SHB: variants seen among roughly 807,000 people sequenced by gnomAD.
SHB encodes the protein SH2 domain containing adaptor protein B, also known as SH2 domain-containing adapter protein B.
A neutral mutation model predicts 52.3 loss-of-function variants in SHB; 20 were observed. The observed-to-expected ratio is 0.38, with a 90% CI of 0.27 to 0.56. The LOEUF is 0.56. Ranked by LOEUF, SHB falls within the 20% of genes least tolerant of loss-of-function variation. The pLI is 0.71. For missense variants in SHB, 825 were observed against 723.3 expected, an observed-to-expected ratio of 1.14 and a Z score of -1.61; for synonymous variants, 397 against 316.5, an observed-to-expected ratio of 1.25 and a Z score of -2.70.
chr9:37,998,440 G>A (rs1820975839), intron 2 of SHB, among the ~76,000 whole-genome samples: 1 of 152,116 alleles, frequency 6.6e-6, no homozygotes, highest in Non-Finnish European at 1.5e-5. Context: ...TGTTCTGATG[G>A]TCTCAAAATC....
chr9:37,999,371 C>A (rs1029368144), intron 2 of SHB, among the ~76,000 whole-genome samples: 2 of 152,168 alleles, frequency 1.3e-5, no homozygotes, highest in Non-Finnish European at 2.9e-5. Context: ...GCTGCAGACT[C>A]GGGGTGACCA....
At chr9:37,948,055 C>A (rs571882529) in intron 5 of SHB, among the ~76,000 whole-genome samples, 4 of 152,212 alleles carry the variant, frequency 2.6e-5, no homozygotes, top group Non-Finnish European at 5.9e-5. Context: ...GTCAGAAAGA[C>A]CTGAAAGTTT....
intron 2 of SHB, among the ~76,000 whole-genome samples, chr9:38,005,269 C>A (rs915182591): frequency 6.6e-6 from 1 of 152,204 alleles, no homozygotes; most frequent in Non-Finnish European, 1.5e-5. Flanking sequence ...TACAATTACA[C>A]GCCTATACCC....
chr9:37,974,042 G>A (rs1820623652), intron 3 of SHB, among the ~76,000 whole-genome samples: 1 of 152,174 alleles, frequency 6.6e-6, no homozygotes, highest in African/African-American at 2.4e-5. Context: ...ATCACCTGAG[G>A]TCAGGAGTTT....
At chr9:38,055,193 C>T (rs1052143087) in intron 1 of SHB, among the ~76,000 whole-genome samples, 2 of 152,242 alleles carry the variant, frequency 1.3e-5, no homozygotes, top group Non-Finnish European at 2.9e-5. Flanking sequence ...CTTAGAACCA[C>T]AGTCATGTTC....
chr9:38,017,038 A>G (rs1821222680), intron 1 of SHB, among the ~76,000 whole-genome samples: 1 of 152,238 alleles, frequency 6.6e-6, no homozygotes, highest in African/African-American at 2.4e-5. Flanking sequence ...TCCCTGGAGA[A>G]GAGTAAAAAT....
chr9:38,052,706 A>T (rs1054739910), intron 1 of SHB, among the ~76,000 whole-genome samples: 3 of 152,158 alleles, frequency 2.0e-5, no homozygotes, highest in Non-Finnish European at 4.4e-5. Flanking sequence ...TCCCTAAAGC[A>T]TGAGGCTGAC....
In SHB at chr9:37,974,737, C is replaced by A; in HGVS notation, c.939G>T (p.Glu313Asp). Residue 313 changes from glutamate (E) to aspartate (D), a missense_variant, in exon 3 of 6, where the codon GAG (glutamate) becomes GAT (aspartate). Transcript: ENST00000377707. Reference protein sequence around the residue: ...PEGQSVDSDSESTVSPRLRES... With the variant: ...PEGQSVDSDSDSTVSPRLRES... ...CCCGCAGTCGGGGGCTGACTGTGCT[C>A]TCCGAGTCTGAGTCAACACTTTGGC... 6.2e-7 allele frequency: 1 copy of A among 1,614,076 alleles called. No individual in the cohort carries two copies. Among genetic ancestry groups the A allele is most frequent in the South Asian group, 1.1e-5 (1 of 91,072 alleles).
rs377422700 is a variant in SHB at position 37,919,925 on chromosome 9, C to T, written c.1426G>A (p.Asp476Asn). ...TAGTGGATGACTTCCGGGACACTGTCGAACGGAGGGCTGTTCTGACCCAGA... is the reference window on the plus strand; with the variant it reads ...TAGTGGATGACTTCCGGGACACTGTTGAACGGAGGGCTGTTCTGACCCAGA... Reference protein sequence around the residue: ...YVLGQNSPPFDSVPEVIHYYT... With the variant: ...YVLGQNSPPFNSVPEVIHYYT... Residue 476 changes from aspartate (D) to asparagine (N), a missense_variant, in exon 6 of 6, where the codon GAC becomes AAC. Transcript: ENST00000377707. The T allele has an allele frequency of 5.6e-6, 9 of 1,613,950 alleles. No individual in the cohort carries two copies. Among genetic ancestry groups the T allele is most frequent in the East Asian group, 4.5e-5 (2 of 44,902 alleles).
At chr9:37,951,950 G>A (rs1832571918) in intron 4 of SHB, among the ~76,000 whole-genome samples, 1 of 152,222 alleles carries the variant, frequency 6.6e-6, no homozygotes, top group South Asian at 2.1e-4. Flanking sequence ...TGCTTCACCT[G>A]GAAAGAGAAT....
intron 1 of SHB, among the ~76,000 whole-genome samples, chr9:38,032,493 G>A (rs1477704365): frequency 6.6e-6 from 1 of 152,186 alleles, no homozygotes. Flanking sequence ...TGGCTCAGTT[G>A]CGCCAACCGT....
chr9:38,036,635 C>G (rs773656300), intron 1 of SHB, among the ~76,000 whole-genome samples: 1 of 152,214 alleles, frequency 6.6e-6, no homozygotes, highest in African/African-American at 2.4e-5. Flanking sequence ...CTAGCAGGAG[C>G]TCTGCTAGTG....
At chr9:38,008,412 A>C (rs1223942554) in intron 2 of SHB, among the ~76,000 whole-genome samples, 4 of 152,194 alleles carry the variant, frequency 2.6e-5, no homozygotes, top group African/African-American at 9.6e-5. Context: ...ACTAATATGA[A>C]ATCTATTTAC....
intron 1 of SHB, among the ~76,000 whole-genome samples, chr9:38,060,718 C>A (rs1247861231): frequency 2.0e-5 from 3 of 152,276 alleles, no homozygotes; most frequent in African/African-American, 7.2e-5. Context: ...TACTCAAATA[C>A]CTCCTCCTCA....
intron 1 of SHB, among the ~76,000 whole-genome samples, chr9:38,023,060 G>A (rs1821300757): frequency 6.6e-6 from 1 of 152,250 alleles, no homozygotes; most frequent in Non-Finnish European, 1.5e-5. Flanking sequence ...GACTGGCTAA[G>A]TGGGTTGCAG....
chr9:38,015,672 G>GTC (rs1329968681), intron 2 of SHB, among the ~76,000 whole-genome samples: 2 of 152,176 alleles, frequency 1.3e-5, no homozygotes, highest in Non-Finnish European at 2.9e-5. Context: ...AAAGTTTTAT[G>GTC]TCTCAAATGC....
chr9:38,025,373 C>T (rs1821328974), intron 1 of SHB, among the ~76,000 whole-genome samples: 1 of 152,198 alleles, frequency 6.6e-6, no homozygotes, highest in South Asian at 2.1e-4. Flanking sequence ...AGGCTTCCTG[C>T]TCTAGGGGGT....
At chr9:38,039,037 A>G (rs528823341) in intron 1 of SHB, among the ~76,000 whole-genome samples, 365 of 152,328 alleles carry the variant, frequency 2.4e-3, no homozygotes, top group African/African-American at 8.5e-3. Flanking sequence ...ATCGCTTATC[A>G]GGCAGGGCTG....
intron 5 of SHB, among the ~76,000 whole-genome samples, chr9:37,920,622 C>T (rs1056887437): frequency 3.9e-5 from 6 of 152,248 alleles, no homozygotes; most frequent in Admixed American, 1.3e-4. Flanking sequence ...GGAAGGTGGG[C>T]AGAAAGTCTG....
Sources: allele counts gnomAD v4.1 joint callset (sites outside exome capture counted in the v4.1 genomes callset), GRCh38; gene constraint gnomAD v4.1.1; transcripts MANE v1.5; gene names NCBI Gene and HGNC (gene_info 2026-07-23, HGNC 2026-07-21).